The following COPZ2 variants were observed in gnomAD, a reference collection of about 807,000 sequenced individuals.
COPZ2 encodes coat protein complex I subunit zeta 2.
Under a neutral mutation model 33.2 loss-of-function variants are expected in COPZ2, and 30 were observed. The ratio of observed to expected loss-of-function variants is 0.90; its 90% CI spans 0.68 to 1.23. The LOEUF is 1.23. Among genes scored for constraint, COPZ2 ranks in the 50% most tolerant of loss-of-function variants. COPZ2 has a pLI of 0.00. For missense variants in COPZ2, 263 were observed against 262.4 expected, an observed-to-expected ratio of 1.00 and a Z score of -0.02; for synonymous variants, 89 against 102.6, an observed-to-expected ratio of 0.87 and a Z score of 0.80.
At chr17:48,032,992 A>T in intron 4 of COPZ2, 1 of 595,760 alleles carries the variant, frequency 1.7e-6, no homozygotes, top group Non-Finnish European at 3.0e-6. Context: ...CTTGAAGATG[A>T]AGTGATTACT....
At chr17:48,031,409 G>A (rs530008662) in intron 6 of COPZ2, among the ~76,000 whole-genome samples, 174 of 149,598 alleles carry the variant, frequency 1.2e-3, no homozygotes, top group African/African-American at 3.9e-3. Flanking sequence ...CCGAGATCAC[G>A]CCACTTACTG....
chr17:48,026,380 G>C lies in COPZ2; in HGVS notation c.*48C>G. The C allele has an allele frequency of 1.3e-6, 2 of 1,494,612 alleles. 1 individual carries two copies. Among genetic ancestry groups the C allele is most frequent in the South Asian group, 2.3e-5 (2 of 88,412 alleles). 92.6% of individuals were successfully genotyped at this position (1,494,612 alleles called of 1,614,324 possible). ...CCCTGGGATCTTTGGGCTTTTGCCA[G>C]GATTGGGGAAATGATCTGGGGGGCA... On this transcript the variant is annotated 3_prime_UTR_variant, in exon 9 of 9. Coordinates refer to ENST00000621465, the MANE Select transcript of COPZ2 (RefSeq NM_016429.4).
At chr17:48,031,789 A>G in intron 6 of COPZ2, 1 of 292,640 alleles carries the variant, frequency 3.4e-6, no homozygotes, top group East Asian at 8.3e-5. Flanking sequence ...TAAGAGCAGG[A>G]CATGTGGGGC....
At chr17:48,031,268 T>C (rs918950174) in intron 6 of COPZ2, among the ~76,000 whole-genome samples, 5 of 151,964 alleles carry the variant, frequency 3.3e-5, no homozygotes, top group East Asian at 3.9e-4. Context: ...CTGGCTAACA[T>C]GGTGAAACCC....
chr17:48,035,034 G>T (rs1158900537), intron 2 of COPZ2, among the ~76,000 whole-genome samples: 2 of 152,194 alleles, frequency 1.3e-5, no homozygotes, highest in Non-Finnish European at 2.9e-5. Flanking sequence ...CAGTTGTGAG[G>T]CCAAAGCTGG....
At chr17:48,031,215 G>A (rs1374405568) in intron 6 of COPZ2, among the ~76,000 whole-genome samples, 1 of 152,166 alleles carries the variant, frequency 6.6e-6, no homozygotes, top group African/African-American at 2.4e-5. Flanking sequence ...CACTTTGGGA[G>A]GCTGAGGTGG....
chr17:48,043,955 C>T, the COPZ2 span, among the ~76,000 whole-genome samples: 1 of 152,098 alleles, frequency 6.6e-6, no homozygotes, highest in Non-Finnish European at 1.5e-5. Context: ...TTGAACTCAG[C>T]TTCAAAAAAT....
chr17:48,027,729 C>G (rs939701833), intron 8 of COPZ2: 1 of 152,290 alleles, frequency 6.6e-6, no homozygotes, highest in African/African-American at 2.4e-5. Flanking sequence ...CACCACAGCA[C>G]GAGGAGTTAG....
At position 48,026,476 on chromosome 17, in the gene COPZ2, CTGGGG is replaced by C; in HGVS notation, c.586-6_586-2del. Reference sequence around the variant, plus strand: ...TTTGTTCCTTGGCAGACTGAAGAACCTGGGGTGGGGTGGGGGAGGTTGAGAGAGAA... The same window carrying C: ...TTTGTTCCTTGGCAGACTGAAGAACCTGGGGTGGGGGAGGTTGAGAGAGAA... On this transcript the variant is annotated splice_acceptor_variant and splice_polypyrimidine_tract_variant and intron_variant, in intron 8 of 8. Coordinates refer to ENST00000621465, the MANE Select transcript of COPZ2 (RefSeq NM_016429.4). LOFTEE classifies it high-confidence loss of function. The C allele has an allele frequency of 1.2e-6, 2 of 1,606,340 alleles. No homozygotes were observed. The highest frequency in any genetic ancestry group is 1.7e-6 in the Non-Finnish European group (2 of 1,173,210).
At chr17:48,040,160 C>T (rs1344824487), upstream of COPZ2, among the ~76,000 whole-genome samples, 4 of 131,884 alleles carry the variant, frequency 3.0e-5, no homozygotes, top group East Asian at 9.5e-4. Context: ...ACACAAACAA[C>T]TCCCAGGATC....
the COPZ2 span, chr17:48,045,783 C>T: frequency 6.6e-6 from 1 of 150,744 alleles, no homozygotes; most frequent in African/African-American, 2.4e-5. Flanking sequence ...TGGGATCCTT[C>T]TTTTGCTTCT....
chr17:48,042,282 C>T (rs1010132284), upstream of COPZ2, among the ~76,000 whole-genome samples: 4 of 151,440 alleles, frequency 2.6e-5, no homozygotes, highest in South Asian at 2.1e-4. Context: ...TACAGGTATG[C>T]GCCACCACAC....
intron 6 of COPZ2, among the ~76,000 whole-genome samples, chr17:48,030,458 G>A (rs928043703): frequency 1.3e-5 from 2 of 152,126 alleles, no homozygotes; most frequent in Non-Finnish European, 2.9e-5. Context: ...CTGTCACTGC[G>A]GCAGGACAAA....
upstream of COPZ2, chr17:48,037,877 C>A (rs1172613567): frequency 2.0e-6 from 2 of 978,158 alleles, no homozygotes; most frequent in Non-Finnish European, 2.4e-6. The surrounding 1 kb of genome is among the most constrained non-coding windows in gnomAD (Gnocchi z 5.6). Context: ...GCGTGGCCTC[C>A]CTTTCCTCGG....
the COPZ2 span, chr17:48,047,574 G>A: frequency 1.3e-5 from 2 of 152,110 alleles, no homozygotes; most frequent in Admixed American, 6.5e-5. Context: ...CCAAACGAGG[G>A]GGGTCCTTTG....
chr17:48,032,755 A>G lies in COPZ2; in HGVS notation c.361-14T>C. The G allele has an allele frequency of 1.3e-6, 2 of 1,584,130 alleles. No homozygotes were observed. The highest frequency in any genetic ancestry group is 1.7e-6 in the Non-Finnish European group (2 of 1,164,382). Reference sequence around the variant, plus strand: ...CATGAGCATCAGCTGGGATGGGCAGATACGGGAGGAGGAAAAGGAGAGTTT... The same window carrying G: ...CATGAGCATCAGCTGGGATGGGCAGGTACGGGAGGAGGAAAAGGAGAGTTT... On this transcript the variant is annotated splice_polypyrimidine_tract_variant and intron_variant, in intron 4 of 8. Transcript: ENST00000621465.
At chr17:48,029,795 C>G (rs1013830577) in intron 6 of COPZ2, among the ~76,000 whole-genome samples, 2 of 151,714 alleles carry the variant, frequency 1.3e-5, no homozygotes, top group Admixed American at 6.6e-5. Flanking sequence ...ATGGCGAAAC[C>G]CTGTCTCTAG....
upstream of COPZ2, among the ~76,000 whole-genome samples, chr17:48,040,506 C>G (rs2037051377): frequency 6.7e-6 from 1 of 149,972 alleles, no homozygotes; most frequent in South Asian, 2.1e-4. Context: ...GATCTCGGCT[C>G]ACTGCAACCT....
Position 48,028,398 on chromosome 17 carries a change from G to A in COPZ2, c.585+74C>T. ...TTGATAACTTCACTGGGTCCCCCTA[G>A]GATGCTCTAGGATGCTCTGCTCCCC... On this transcript the variant is annotated intron_variant, in intron 8 of 8. Transcript: ENST00000621465. The surrounding 1 kb of genome is among the most constrained non-coding windows in gnomAD (Gnocchi z 4.5). 1 of 1,444,864 alleles carries A rather than the reference G, an allele frequency of 6.9e-7. No individual in the cohort carries two copies. The highest frequency in any genetic ancestry group is 9.4e-7 in the Non-Finnish European group (1 of 1,060,590). 89.5% of individuals were successfully genotyped at this position (1,444,864 alleles called of 1,614,324 possible).
Sources: allele counts gnomAD v4.1 joint callset (sites outside exome capture counted in the v4.1 genomes callset), GRCh38; gene constraint gnomAD v4.1.1; non-coding constraint Gnocchi (gnomAD v3.1); transcripts MANE v1.5; gene names NCBI Gene and HGNC (gene_info 2026-07-23, HGNC 2026-07-21).